QTMAN: variants seen among roughly 807,000 people sequenced by gnomAD.
QTMAN encodes the protein queuosine-tRNA mannosyltransferase, also known as tRNA-queuosine alpha-mannosyltransferase.
chr2:144,019,476 G>GTGTGTGTGTGTA, the QTMAN span, among the ~76,000 whole-genome samples: 4 of 140,760 alleles, frequency 2.8e-5, no homozygotes, highest in Admixed American at 2.1e-4. Context: ...GTGTGTGTGT[G>GTGTGTGTGTGTA]TGTGTGTATG....
the QTMAN span, among the ~76,000 whole-genome samples, chr2:143,984,425 T>C: frequency 6.6e-6 from 1 of 152,168 alleles, no homozygotes; most frequent in Non-Finnish European, 1.5e-5. Flanking sequence ...GGGTACTCCT[T>C]GAGTGCAAGA....
the QTMAN span, among the ~76,000 whole-genome samples, chr2:144,043,933 T>C: frequency 6.6e-6 from 1 of 152,178 alleles, no homozygotes; most frequent in African/African-American, 2.4e-5. Flanking sequence ...CCAGCCACAG[T>C]ATCATATCGG....
chr2:144,002,213 T>C, the QTMAN span, among the ~76,000 whole-genome samples: 24 of 152,092 alleles, frequency 1.6e-4, no homozygotes, highest in East Asian at 4.6e-3. Flanking sequence ...ATCCCCTCGA[T>C]AGATATCTTT....
chr2:144,280,989 T>C, the QTMAN span, among the ~76,000 whole-genome samples: 1 of 151,926 alleles, frequency 6.6e-6, no homozygotes, highest in Admixed American at 6.6e-5. Context: ...ACATGTGCCA[T>C]GTTGATGTGC....
the QTMAN span, among the ~76,000 whole-genome samples, chr2:144,157,301 C>T: frequency 6.6e-6 from 1 of 151,998 alleles, no homozygotes; most frequent in Non-Finnish European, 1.5e-5. Flanking sequence ...CTATTGCCTA[C>T]ATTTGAGGGT....
At chr2:143,941,097 C>T in the QTMAN span, 1 of 152,192 alleles carries the variant, frequency 6.6e-6, no homozygotes, top group Non-Finnish European at 1.5e-5. Context: ...ACTGCTCAAC[C>T]ACAGCCTACT....
At chr2:144,243,816 G>A in the QTMAN span, among the ~76,000 whole-genome samples, 1 of 152,136 alleles carries the variant, frequency 6.6e-6, no homozygotes, top group Non-Finnish European at 1.5e-5. Context: ...AATGTGGCAG[G>A]ACTAAAAGAT....
chr2:144,040,444 G>C, the QTMAN span, among the ~76,000 whole-genome samples: 1 of 151,920 alleles, frequency 6.6e-6, no homozygotes, highest in Non-Finnish European at 1.5e-5. Flanking sequence ...GTTTTTCTCT[G>C]TTTGCCCTAC....
chr2:144,332,214 G>GGCGCAGGGA, the QTMAN span, among the ~76,000 whole-genome samples: 1 of 151,838 alleles, frequency 6.6e-6, no homozygotes, highest in East Asian at 1.9e-4. Flanking sequence ...TGCGGACGGC[G>GGCGCAGGGA]GCGCAGGGAG....
chr2:144,010,667 A>G, the QTMAN span, among the ~76,000 whole-genome samples: 1 of 151,982 alleles, frequency 6.6e-6, no homozygotes, highest in African/African-American at 2.4e-5. Flanking sequence ...TGAGAACTGT[A>G]TATGTTTGAA....
the QTMAN span, among the ~76,000 whole-genome samples, chr2:143,949,213 G>A: frequency 6.6e-6 from 1 of 151,932 alleles, no homozygotes; most frequent in South Asian, 2.1e-4. Context: ...ACTATTTCAG[G>A]TGGGAAGTCA....
At chr2:144,199,501 T>G in the QTMAN span, among the ~76,000 whole-genome samples, 1 of 152,244 alleles carries the variant, frequency 6.6e-6, no homozygotes, top group Admixed American at 6.5e-5. Context: ...TCAAATGCCT[T>G]CTCTTTGAAA....
chr2:144,326,818 T>A, the QTMAN span, among the ~76,000 whole-genome samples: 9 of 152,092 alleles, frequency 5.9e-5, no homozygotes, highest in Admixed American at 5.9e-4. Context: ...AACCCTGGGG[T>A]ACACATGATC....
the QTMAN span, among the ~76,000 whole-genome samples, chr2:144,110,292 C>CA: frequency 6.6e-6 from 1 of 151,920 alleles, no homozygotes; most frequent in Non-Finnish European, 1.5e-5. Flanking sequence ...ATTGCAAGGA[C>CA]AAAAAACCGA....
chr2:144,145,760 G>A, the QTMAN span: 3 of 1,598,104 alleles, frequency 1.9e-6, no homozygotes, highest in Non-Finnish European at 1.7e-6. Flanking sequence ...AGAAAATTGG[G>A]GTTTACTGTC....
chr2:144,004,601 G>A, the QTMAN span, among the ~76,000 whole-genome samples: 22 of 152,136 alleles, frequency 1.4e-4, 1 homozygote, highest in Non-Finnish European at 2.9e-4. Flanking sequence ...GTCTTGCTGC[G>A]ATGGAACTCT....
chr2:144,048,490 T>C, the QTMAN span, among the ~76,000 whole-genome samples: 12 of 152,238 alleles, frequency 7.9e-5, no homozygotes, highest in Non-Finnish European at 1.5e-4. Context: ...GCTGTGTGGA[T>C]GGTGATTAAA....
chr2:144,018,075 G>A, the QTMAN span, among the ~76,000 whole-genome samples: 1 of 151,938 alleles, frequency 6.6e-6, no homozygotes, highest in Non-Finnish European at 1.5e-5. Flanking sequence ...CTATGATACT[G>A]TTTTCCACCT....
the QTMAN span, among the ~76,000 whole-genome samples, chr2:144,286,251 G>C: frequency 2.6e-5 from 4 of 152,126 alleles, no homozygotes; most frequent in African/African-American, 9.7e-5. Flanking sequence ...TTCCAAATTA[G>C]AGACTCATGA....
Sources: gnomAD v4.1 joint callset for allele counts (sites outside exome capture counted in the v4.1 genomes callset) on GRCh38, gnomAD v4.1.1 for gene constraint, MANE v1.5 for transcripts, NCBI Gene and HGNC (gene_info 2026-07-23, HGNC 2026-07-21) for gene names.